Variants in ADCY2 observed in about 807,000 individuals in gnomAD.
ADCY2 encodes adenylate cyclase type 2.
In ADCY2, 31 loss-of-function variants were observed where a neutral mutation model predicts 125.2. The observed-to-expected ratio is 0.25, with a 90% confidence interval of 0.19 to 0.33. The LOEUF (loss-of-function observed/expected upper bound fraction) is 0.33, where lower values mean the gene tolerates loss of function less well. Ranked by LOEUF, ADCY2 falls within the 10% of genes least tolerant of loss-of-function variation. The probability of loss-of-function intolerance (pLI) is 1.00; values close to 1 mark genes in which losing one functional copy is unlikely to be tolerated. For synonymous variants in ADCY2, 512 were observed against 548.4 expected (o/e 0.93, Z 0.93); for missense variants, 904 against 1,418.2 (o/e 0.64, Z 5.82).
rs1410091098 is a variant in ADCY2, at chr5:7,709,248, G to A, written c.1439G>A (p.Arg480His). ...AGCCCCCAGCATCTCTTCAGACCTC[G>A]CCACACCCTTGATGGAGCCAAAATG... Reference protein sequence around the residue: ...RRSPQHLFRPRHTLDGAKMRA... With the variant: ...RRSPQHLFRPHHTLDGAKMRA... Residue 480 changes from arginine to histidine, a missense_variant, in exon 10 of 25, where the codon CGC becomes CAC. Physicochemically the swap from Arg to His is conservative, Grantham distance 29. This residue lies in a region of ADCY2 where 144 missense variants were observed against 227.7 expected (regional missense o/e 0.63). Transcript: ENST00000338316. This position sits in a 1 kb window ranked among gnomAD's most constrained non-coding sequence, Gnocchi z 4.4. 7.4e-6 allele frequency: 12 copies of A among 1,613,254 alleles called. No individual in the cohort carries two copies. The Admixed American group carries it at 1.0e-4, about 13-fold the overall frequency.
rs539600096 is a variant in ADCY2 at position 7,621,883 on chromosome 5, G to A, written c.571-4284G>A. ...TGAGGATATGTGGGCGTGTGGGCAC[G>A]GTTCCACTTACACAGATTCCAGACC... is the stretch of plus-strand genomic sequence containing the variant. On this transcript the variant is annotated intron_variant, in intron 3 of 24. Transcript: ENST00000338316. Among the ~76,000 whole-genome samples the A allele has an allele frequency of 3.9e-5, 6 of 152,194 alleles. No homozygotes were observed. The East Asian group carries it at 9.7e-4, about 25-fold the overall frequency.
At chr5:7,511,742 A>G (rs971999405) in intron 2 of ADCY2, among the ~76,000 whole-genome samples, 1 of 152,048 alleles carries the variant, frequency 6.6e-6, no homozygotes, top group Non-Finnish European at 1.5e-5. Context: ...TGGGGCAGAA[A>G]AACAACCACT....
intron 2 of ADCY2, among the ~76,000 whole-genome samples, chr5:7,518,425 T>C (rs1224615594): frequency 6.6e-6 from 1 of 152,158 alleles, no homozygotes; most frequent in Non-Finnish European, 1.5e-5. Flanking sequence ...AAGACAATAC[T>C]TTTTGCCTTG....
In ADCY2 at chr5:7,463,617, A is replaced by AT. The variant is rs1491205793; in HGVS notation, c.408+48848dup. The stretch of plus-strand genomic sequence containing the variant: ...TTATGCTGAGAGCACAAGGTGATAG[A>AT]TAAAAAAAAAAAAAAAAAAAAGAAT... On this transcript the variant is annotated intron_variant, in intron 2 of 24. Transcript: ENST00000338316. Among the ~76,000 whole-genome samples the AT allele has an allele frequency of 3.9e-4, 38 of 98,086 alleles. No individual in the cohort carries two copies. The East Asian group carries it at 0.01, about 26-fold the overall frequency. The allele number at this position is 98,086 out of a possible 152,430, so 64.3% of individuals were successfully genotyped here.
At chr5:7,484,424 T>C (rs942685717) in intron 2 of ADCY2, among the ~76,000 whole-genome samples, 2 of 152,172 alleles carry the variant, frequency 1.3e-5, no homozygotes, top group South Asian at 4.1e-4. Context: ...TGCCTGTTGA[T>C]CTAAAGGAAG....
At chr5:7,564,249 A>G (rs889789324) in intron 3 of ADCY2, among the ~76,000 whole-genome samples, 9 of 152,224 alleles carry the variant, frequency 5.9e-5, no homozygotes, top group African/African-American at 2.2e-4. Context: ...CACCATAGCC[A>G]TGAAGCATGA....
intron 3 of ADCY2, among the ~76,000 whole-genome samples, chr5:7,534,752 G>A (rs1579546746): frequency 6.6e-6 from 1 of 152,208 alleles, no homozygotes; most frequent in Admixed American, 6.5e-5. Flanking sequence ...CAGACGAGAA[G>A]CAGAGCTAAG....
intron 3 of ADCY2, among the ~76,000 whole-genome samples, chr5:7,578,955 G>A (rs532894147): frequency 3.9e-5 from 6 of 152,260 alleles, no homozygotes; most frequent in Non-Finnish European, 7.4e-5. Context: ...TGGACTCCAC[G>A]TAAGCCACTC....
At chr5:7,620,646 A>G (rs1328007359) in intron 3 of ADCY2, among the ~76,000 whole-genome samples, 2 of 152,204 alleles carry the variant, frequency 1.3e-5, no homozygotes, top group Non-Finnish European at 2.9e-5. Flanking sequence ...CAGTTAAGGA[A>G]AACTGTACCT....
chr5:7,640,217 G>A (rs963471613), intron 4 of ADCY2, among the ~76,000 whole-genome samples: 2 of 152,030 alleles, frequency 1.3e-5, no homozygotes, highest in African/African-American at 2.4e-5. Context: ...TTATTAACGA[G>A]TCAAGGAAAA....
At chr5:7,766,923 A>C in intron 17 of ADCY2, 117 bp downstream of exon 17, 1 of 1,297,112 alleles carries the variant, frequency 7.7e-7, no homozygotes, top group Non-Finnish European at 1.0e-6. Flanking sequence ...CTCTGGTATC[A>C]ATCCCTGAGT....
chr5:7,609,690 C>T (rs555944522), intron 3 of ADCY2, among the ~76,000 whole-genome samples: 66 of 152,126 alleles, frequency 4.3e-4, no homozygotes, highest in Non-Finnish European at 8.8e-4. Context: ...AAATGCAAAA[C>T]ATTTACTTTT....
chr5:7,617,641 A>G (rs1179546980), intron 3 of ADCY2, among the ~76,000 whole-genome samples: 1 of 152,218 alleles, frequency 6.6e-6, no homozygotes, highest in Non-Finnish European at 1.5e-5. Context: ...GGCAAAAATA[A>G]TACATGTTCT....
At chr5:7,441,344 T>G (rs1170550748) in intron 2 of ADCY2, among the ~76,000 whole-genome samples, 3 of 152,156 alleles carry the variant, frequency 2.0e-5, no homozygotes, top group Non-Finnish European at 4.4e-5. Context: ...AAGTATCAAT[T>G]AATGCCTTCG....
chr5:7,555,451 G>T (rs1233717786), intron 3 of ADCY2, among the ~76,000 whole-genome samples: 1 of 152,136 alleles, frequency 6.6e-6, no homozygotes, highest in East Asian at 1.9e-4. Context: ...TTTTACACTG[G>T]TGAAAGTTAA....
intron 2 of ADCY2, among the ~76,000 whole-genome samples, chr5:7,488,232 C>G (rs1277282552): frequency 6.6e-6 from 1 of 152,110 alleles, no homozygotes; most frequent in Non-Finnish European, 1.5e-5. Context: ...TAGAGTTCCC[C>G]TGCACAAGCT....
At chr5:7,683,197 G>A (rs140412845) in intron 4 of ADCY2, among the ~76,000 whole-genome samples, 7 of 152,314 alleles carry the variant, frequency 4.6e-5, no homozygotes, top group Non-Finnish European at 1.0e-4. Flanking sequence ...TCTACGTGAG[G>A]GAGAAGAATC....
intron 10 of ADCY2, among the ~76,000 whole-genome samples, 186 bp from the exon 11 acceptor site, chr5:7,712,670 T>G (rs1320126736): frequency 6.6e-6 from 1 of 152,246 alleles, no homozygotes; most frequent in Admixed American, 6.5e-5. Context: ...ATTCCAAAGA[T>G]AAACTGAGTT....
At chr5:7,663,790 C>G (rs1739619375) in intron 4 of ADCY2, among the ~76,000 whole-genome samples, 1 of 152,150 alleles carries the variant, frequency 6.6e-6, no homozygotes, top group Non-Finnish European at 1.5e-5. Context: ...AGATTAATGA[C>G]AAACACCTGA....
Sources: allele counts gnomAD v4.1 joint callset (sites outside exome capture counted in the v4.1 genomes callset), GRCh38; gene constraint gnomAD v4.1.1; regional missense constraint gnomAD v4.1.1; non-coding constraint Gnocchi (gnomAD v3.1); transcripts MANE v1.5; gene names NCBI Gene and HGNC (gene_info 2026-07-23, HGNC 2026-07-21).